NNT: variants seen among roughly 807,000 people sequenced by gnomAD.
NNT encodes NAD(P) transhydrogenase, mitochondrial.
A neutral mutation model predicts 104.8 loss-of-function variants in NNT; 50 were observed. The observed-to-expected ratio is 0.48, with a 90% CI of 0.38 to 0.60. The LOEUF (loss-of-function observed/expected upper bound fraction) is 0.60. Ranked by LOEUF, NNT falls within the 20% of genes least tolerant of loss-of-function variation. The probability of loss-of-function intolerance (pLI) is 0.00; values close to 1 mark genes in which losing one functional copy is unlikely to be tolerated. For missense variants in NNT, 1,131 were observed against 1,330.7 expected (o/e 0.85, Z 2.33); for synonymous variants, 461 against 490.4 (o/e 0.94, Z 0.79).
In NNT at chr5:43,704,564, C is replaced by A; in HGVS notation, c.*160C>A. 1.7e-6 allele frequency: 1 copy of A among 586,966 alleles called. No homozygotes were observed. The highest frequency in any genetic ancestry group is 2.9e-5 in the South Asian group (1 of 34,046). The allele number at this position is 586,966 out of a possible 1,614,324, so 36.4% of individuals were successfully genotyped here. ...GCAAAAACTGTATAGAGAGATTTTTCAAAAGCAGTAATCCCTCAATTTTAA... is the reference window on the plus strand; with the variant it reads ...GCAAAAACTGTATAGAGAGATTTTTAAAAAGCAGTAATCCCTCAATTTTAA... On this transcript the variant is annotated 3_prime_UTR_variant, in exon 22 of 22. Transcript: ENST00000344920.
At chr5:43,672,463 G>T (rs1337969416) in intron 17 of NNT, among the ~76,000 whole-genome samples, 1 of 152,200 alleles carries the variant, frequency 6.6e-6, no homozygotes, top group Admixed American at 6.5e-5. Context: ...ATGAGGTTTT[G>T]GTGTGGATGT....
intron 4 of NNT, 135 bp from the exon 5 acceptor site, chr5:43,618,897 G>T: frequency 2.4e-6 from 1 of 418,458 alleles, no homozygotes. Context: ...AACTGTTTTT[G>T]ACACATAGTA....
intron 7 of NNT, among the ~76,000 whole-genome samples, chr5:43,642,321 C>T (rs112452475): frequency 0.066 from 10,068 of 152,134 alleles, 562 homozygotes; most frequent in African/African-American, 0.15. Flanking sequence ...ACTGGAGAGC[C>T]GAGCAGCATG....
chr5:43,680,898 T>C (rs1741672775), intron 19 of NNT, among the ~76,000 whole-genome samples: 1 of 152,138 alleles, frequency 6.6e-6, no homozygotes, highest in Non-Finnish European at 1.5e-5. Context: ...ACAGATATTT[T>C]GTCTTTTTCC....
intron 5 of NNT, among the ~76,000 whole-genome samples, chr5:43,623,596 T>C (rs1357759457): frequency 6.6e-6 from 1 of 152,188 alleles, no homozygotes; most frequent in African/African-American, 2.4e-5. Context: ...ATCTTTGAAA[T>C]GTGTTTTGAT....
chr5:43,661,657 G>A (rs1247270126), intron 17 of NNT, among the ~76,000 whole-genome samples: 1 of 145,464 alleles, frequency 6.9e-6, no homozygotes, highest in Non-Finnish European at 1.5e-5. Context: ...GAGAACATTC[G>A]GTGTTTGGTT....
intron 16 of NNT, among the ~76,000 whole-genome samples, chr5:43,657,655 C>A (rs1740129865): frequency 6.6e-6 from 1 of 152,152 alleles, no homozygotes; most frequent in Non-Finnish European, 1.5e-5. Flanking sequence ...GCAGTTAGGT[C>A]ATGATTTTAA....
chr5:43,615,143 C>CA (rs35313293), intron 3 of NNT, among the ~76,000 whole-genome samples: 1 of 145,074 alleles, frequency 6.9e-6, no homozygotes. Flanking sequence ...GACTCCGTCT[C>CA]AAAAAACAAA....
chr5:43,702,520 G>A, intron 20 of NNT, 101 bp from the exon 21 acceptor site: 1 of 705,250 alleles, frequency 1.4e-6, no homozygotes, highest in Non-Finnish European at 2.2e-6. Flanking sequence ...CTATATTTTT[G>A]TTATTGTTAT....
intron 10 of NNT, chr5:43,648,018 C>T: frequency 9.9e-7 from 1 of 1,009,978 alleles, no homozygotes; most frequent in Non-Finnish European, 1.4e-6. Context: ...TAGGGAGCAG[C>T]AGAACCAGGA....
chr5:43,607,027 G>A (rs895853210), intron 1 of NNT, among the ~76,000 whole-genome samples: 7 of 150,022 alleles, frequency 4.7e-5, no homozygotes, highest in East Asian at 1.9e-4. Flanking sequence ...TTGCTCTCTC[G>A]CCCAGGCTGG....
At chr5:43,626,368 G>A (rs139895106) in intron 6 of NNT, among the ~76,000 whole-genome samples, 37 of 152,156 alleles carry the variant, frequency 2.4e-4, no homozygotes, top group African/African-American at 8.2e-4. Flanking sequence ...TTGATCATCC[G>A]TGGATTTTGA....
Position 43,605,242 on chromosome 5 carries a change from C to T in NNT, c.-54+1948C>T, listed in dbSNP as rs940337133. 2.0e-5 allele frequency among the ~76,000 whole-genome samples: 3 copies of T among 152,042 alleles called. No homozygotes were observed. The East Asian group carries it at 5.8e-4, about 29-fold the overall frequency. ...TAAAAAGTTGTGCTTTTGGGCCGGG[C>T]GCGGTGGCTCACGCCTGTAATCCCA... On this transcript the variant is annotated intron_variant, in intron 1 of 21. Transcript: ENST00000344920.
At chr5:43,610,734 T>A (rs1208894189) in intron 2 of NNT, among the ~76,000 whole-genome samples, 4 of 152,232 alleles carry the variant, frequency 2.6e-5, no homozygotes, top group African/African-American at 9.6e-5. Context: ...TATCTTCAGA[T>A]GCTTTCTTTT....
At chr5:43,626,913 T>A (rs1750399449) in intron 6 of NNT, among the ~76,000 whole-genome samples, 1 of 152,048 alleles carries the variant, frequency 6.6e-6, no homozygotes, top group South Asian at 2.1e-4. Context: ...TTTGAATTCA[T>A]CTAATTCTTA....
intron 8 of NNT, 42 bp from the exon 9 acceptor site, chr5:43,644,569 A>G (rs1179634835): frequency 1.3e-6 from 2 of 1,503,186 alleles, no homozygotes; most frequent in South Asian, 1.2e-5. Flanking sequence ...GAATGTGAAC[A>G]TAGGGTGATA....
intron 7 of NNT, among the ~76,000 whole-genome samples, chr5:43,637,277 C>T (rs150357795): frequency 6.6e-6 from 1 of 152,128 alleles, no homozygotes; most frequent in Non-Finnish European, 1.5e-5. Flanking sequence ...AGATGTTCAG[C>T]ACTTTCTTGC....
chr5:43,631,221 A>G (rs1750661066), intron 7 of NNT, among the ~76,000 whole-genome samples: 1 of 152,174 alleles, frequency 6.6e-6, no homozygotes, highest in Non-Finnish European at 1.5e-5. Flanking sequence ...CTGTAAGTGT[A>G]GGAATGAGGC....
chr5:43,673,159 C>T (rs1289447106), intron 17 of NNT, among the ~76,000 whole-genome samples: 2 of 152,206 alleles, frequency 1.3e-5, no homozygotes, highest in Non-Finnish European at 2.9e-5. Context: ...TGGGAGTGAC[C>T]TGATTTTCCG....
Sources: gnomAD v4.1 joint callset for allele counts (sites outside exome capture counted in the v4.1 genomes callset) on GRCh38, gnomAD v4.1.1 for gene constraint, MANE v1.5 for transcripts, NCBI Gene and HGNC (gene_info 2026-07-23, HGNC 2026-07-21) for gene names.